The following CRIM1 variants were observed in gnomAD, a reference collection of about 807,000 sequenced individuals.
CRIM1 encodes the protein cysteine-rich motor neuron 1 protein.
CRIM1 carries 32 observed loss-of-function variants against 116.4 expected under a neutral mutation model. That is an observed-to-expected ratio of 0.27 (90% CI 0.21 to 0.37). CRIM1 has a LOEUF of 0.37. Among genes scored for constraint, CRIM1 ranks in the 10% least tolerant of loss-of-function variants. The probability of loss-of-function intolerance (pLI) is 1.00; values close to 1 mark genes in which losing one functional copy is unlikely to be tolerated. For missense variants in CRIM1, 1,331 were observed against 1,354.8 expected, an observed-to-expected ratio of 0.98 and a Z score of 0.28; for synonymous variants, 590 against 509.2, an observed-to-expected ratio of 1.16 and a Z score of -2.13.
intron 5 of CRIM1, among the ~76,000 whole-genome samples, chr2:36,468,860 C>G (rs1203344552): frequency 6.6e-6 from 1 of 152,232 alleles, no homozygotes; most frequent in South Asian, 2.1e-4. Context: ...TAGATACGAG[C>G]ATTTGTCCAA....
chr2:36,413,638 G>A (rs753046203), intron 2 of CRIM1, among the ~76,000 whole-genome samples: 12 of 152,136 alleles, frequency 7.9e-5, no homozygotes, highest in Non-Finnish European at 1.5e-4. Context: ...ACACACGTGC[G>A]TATCAATGGA....
intron 4 of CRIM1, among the ~76,000 whole-genome samples, chr2:36,448,288 G>A (rs1245486682): frequency 6.6e-6 from 1 of 152,256 alleles, no homozygotes; most frequent in African/African-American, 2.4e-5. Context: ...AGAGGCAGAT[G>A]CATTTGAAGG....
chr2:36,546,625 A>C (rs949995510), intron 15 of CRIM1, among the ~76,000 whole-genome samples: 7 of 152,126 alleles, frequency 4.6e-5, no homozygotes, highest in African/African-American at 1.7e-4. Flanking sequence ...GAAATCTGAG[A>C]AGACCATGTA....
In CRIM1 at chr2:36,443,722, GGTAA is replaced by G. The variant is rs540809763; in HGVS notation, c.869+991_869+994del. Reference sequence around the variant, plus strand: ...AGGAGTAGATGTGGTCCATAGGTAAGGTAAGTATCAGTTATCTGTCCGTAATTGA... The same window carrying G: ...AGGAGTAGATGTGGTCCATAGGTAAGGTATCAGTTATCTGTCCGTAATTGA... On this transcript the variant is annotated intron_variant, in intron 4 of 16. Transcript: ENST00000280527. 2.8e-4 allele frequency among the ~76,000 whole-genome samples: 42 copies of G among 152,234 alleles called. 1 individual carries two copies. The South Asian group carries it at 5.6e-3, about 20-fold the overall frequency.
rs574935856 is a variant in CRIM1, at chr2:36,512,535, A to G, written c.1780+141A>G. 5.0e-4 allele frequency: 406 copies of G among 815,076 alleles called. 1 individual carries two copies. The highest frequency in any genetic ancestry group is 7.2e-4 in the Non-Finnish European group (386 of 537,320). The allele number at this position is 815,076 out of a possible 1,614,324, so 50.5% of individuals were successfully genotyped here. ...ATGTCAGTCTCTGTGGGACCGTCCC[A>G]CAGGACTCCCTTTTCCTTTCATTTT... On this transcript the variant is annotated intron_variant, in intron 10 of 16. Coordinates refer to ENST00000280527, the MANE Select transcript of CRIM1 (RefSeq NM_016441.3).
rs770382746 is a variant in CRIM1, at chr2:36,522,324, G to C, written c.2428+11G>C. On this transcript the variant is annotated intron_variant, in intron 13 of 16. Transcript: ENST00000280527. ...GTCCCTACTGCATAGGTAAGACCAA[G>C]GAAAAAAAAATCCCTCATCTCTACC... is the stretch of plus-strand genomic sequence containing the variant. The C allele has an allele frequency of 6.3e-7, 1 of 1,583,970 alleles. No homozygotes were observed. Among genetic ancestry groups the C allele is most frequent in the Non-Finnish European group, 8.6e-7 (1 of 1,160,226 alleles).
intron 2 of CRIM1, among the ~76,000 whole-genome samples, chr2:36,418,958 G>C (rs1192003736): frequency 6.6e-6 from 1 of 152,038 alleles, no homozygotes; most frequent in East Asian, 1.9e-4. Context: ...GGCTGTATAG[G>C]TTCTGTCTCC....
At position 36,547,014 on chromosome 2, in the gene CRIM1, A is replaced by G; in HGVS notation, c.2777A>G (p.Asp926Gly). The change falls in exon 16 of 17, where the codon GAT becomes GGT. Residue 926 changes from aspartate (D) to glycine (G), a missense_variant. Transcript: ENST00000280527. Reference protein sequence around the residue: ...DMGHLQVDYRDNRLHPSEDSS... With the variant: ...DMGHLQVDYRGNRLHPSEDSS... The stretch of plus-strand genomic sequence containing the variant: ...GGTCACCTCCAGGTAGATTACAGAG[A>G]TAACAGGCTGCACCCAAGTGAAGAT... 1 of 1,612,396 alleles carries G rather than the reference A, an allele frequency of 6.2e-7. No homozygotes were observed. Among genetic ancestry groups the G allele is most frequent in the African/African-American group, 1.3e-5 (1 of 74,924 alleles).
In CRIM1 at chr2:36,388,816, G is replaced by A. The variant is rs192297189; in HGVS notation, c.332-7798G>A. On this transcript the variant is annotated intron_variant, in intron 1 of 16. Coordinates refer to ENST00000280527, the MANE Select transcript of CRIM1 (RefSeq NM_016441.3). ...CTGGTGCTTCTCTGTTAGTTGTATT[G>A]CTGAGGTGTATGATGAAAAGTACAG... Among the ~76,000 whole-genome samples, 51 of 152,220 alleles carry A rather than the reference G, an allele frequency of 3.4e-4. 1 individual carries two copies. The highest frequency in any genetic ancestry group is 5.8e-4 in the East Asian group (3 of 5,184).
chr2:36,436,246 C>T (rs1428600981), intron 2 of CRIM1, among the ~76,000 whole-genome samples: 2 of 151,836 alleles, frequency 1.3e-5, no homozygotes, highest in Non-Finnish European at 2.9e-5. Flanking sequence ...GGTAATTGTA[C>T]TACATTTAAG....
At chr2:36,462,634 T>C (rs1242800195) in intron 4 of CRIM1, among the ~76,000 whole-genome samples, 1 of 152,218 alleles carries the variant, frequency 6.6e-6, no homozygotes, top group East Asian at 1.9e-4. Context: ...TGTGGAATCA[T>C]AGAAGATTTG....
chr2:36,449,472 A>G (rs1473009244), intron 4 of CRIM1, among the ~76,000 whole-genome samples: 2 of 152,150 alleles, frequency 1.3e-5, no homozygotes, highest in African/African-American at 4.8e-5. Context: ...TCCGTAGCTA[A>G]AGAATACTCC....
chr2:36,431,046 T>C (rs978060186), intron 2 of CRIM1, among the ~76,000 whole-genome samples: 2 of 152,168 alleles, frequency 1.3e-5, no homozygotes, highest in Admixed American at 1.3e-4. Context: ...AGTAAAACTT[T>C]TGGCATGTAA....
chr2:36,509,178 T>C (rs1223646667), intron 8 of CRIM1, among the ~76,000 whole-genome samples: 1 of 152,184 alleles, frequency 6.6e-6, no homozygotes, highest in Non-Finnish European at 1.5e-5. Flanking sequence ...TATTATATGA[T>C]AGCATCTAAC....
intron 5 of CRIM1, among the ~76,000 whole-genome samples, chr2:36,465,236 T>C (rs1390486996): frequency 6.6e-6 from 1 of 152,204 alleles, no homozygotes; most frequent in East Asian, 1.9e-4. Context: ...GGTCACGAGA[T>C]TCCTTCTGAC....
intron 5 of CRIM1, among the ~76,000 whole-genome samples, chr2:36,474,847 C>A (rs368166777): frequency 1.1e-3 from 99 of 90,710 alleles, no homozygotes; most frequent in South Asian, 1.9e-3. Flanking sequence ...GACTCTATAT[C>A]AAAAAAAAAA....
intron 7 of CRIM1, among the ~76,000 whole-genome samples, chr2:36,490,376 A>G (rs1335165585): frequency 2.6e-5 from 4 of 152,188 alleles, no homozygotes; most frequent in Non-Finnish European, 5.9e-5. Flanking sequence ...CCATCATAAC[A>G]TGTTAGCCTA....
chr2:36,384,617 T>C (rs1671041882), intron 1 of CRIM1, among the ~76,000 whole-genome samples: 2 of 152,242 alleles, frequency 1.3e-5, no homozygotes, highest in South Asian at 4.1e-4. Flanking sequence ...AGATCACTGC[T>C]GTGTAAATAA....
At chr2:36,446,928 A>C (rs538569421) in intron 4 of CRIM1, among the ~76,000 whole-genome samples, 4 of 152,256 alleles carry the variant, frequency 2.6e-5, no homozygotes, top group Non-Finnish European at 5.9e-5. Flanking sequence ...GCTGCTGTGC[A>C]TAAGAGAATT....
Sources: gnomAD v4.1 joint callset for allele counts (sites outside exome capture counted in the v4.1 genomes callset) on GRCh38, gnomAD v4.1.1 for gene constraint, MANE v1.5 for transcripts, NCBI Gene and HGNC (gene_info 2026-07-23, HGNC 2026-07-21) for gene names.